Variants in ANKRD12 observed in about 807,000 individuals in gnomAD.
ANKRD12 encodes ankyrin repeat domain-containing protein 12.
In ANKRD12, 85 loss-of-function variants were observed where a neutral mutation model predicts 183.4. The ratio of observed to expected loss-of-function variants is 0.46; its 90% confidence interval spans 0.39 to 0.56. The LOEUF is 0.56. Among genes scored for constraint, ANKRD12 ranks in the 20% least tolerant of loss-of-function variants. The pLI is 0.00. For synonymous variants in ANKRD12, 914 were observed against 800.2 expected, an observed-to-expected ratio of 1.14 and a Z score of -2.40; for missense variants, 2,405 against 2,357.1, an observed-to-expected ratio of 1.02 and a Z score of -0.42.
chr18:9,211,864 T>G, intron 6 of ANKRD12, 80 bp downstream of exon 6: 2 of 1,239,234 alleles, frequency 1.6e-6, no homozygotes, highest in East Asian at 2.4e-5. Flanking sequence ...CTACATTCTT[T>G]TATTCATTTT....
chr18:9,214,558 C>T (rs2035987260), intron 6 of ANKRD12, among the ~76,000 whole-genome samples: 1 of 152,034 alleles, frequency 6.6e-6, no homozygotes, highest in South Asian at 2.1e-4. Context: ...TATTTTTCAT[C>T]GTGTTTAGTA....
intron 1 of ANKRD12, 158 bp downstream of exon 1, chr18:9,137,123 C>G (rs1053441619): frequency 2.6e-5 from 4 of 152,220 alleles, no homozygotes; most frequent in African/African-American, 4.8e-5. Flanking sequence ...GCCCGCCCCC[C>G]CCGGTCCCGA....
intron 9 of ANKRD12, among the ~76,000 whole-genome samples, chr18:9,263,107 T>C (rs950582350): frequency 5.3e-5 from 8 of 152,140 alleles, no homozygotes; most frequent in East Asian, 1.9e-4. Flanking sequence ...GTGTATCTTA[T>C]TGTAACAGTG....
chr18:9,275,496 A>AT (rs747803437), intron 10 of ANKRD12, 28 bp from the exon 11 acceptor site: 390 of 1,573,414 alleles, frequency 2.5e-4, no homozygotes, highest in Non-Finnish European at 2.9e-4. Flanking sequence ...TGAAGAATTT[A>AT]TTTTTTTTTA....
chr18:9,247,733 TTTCC>T (rs1216105795), intron 8 of ANKRD12, among the ~76,000 whole-genome samples: 2 of 152,196 alleles, frequency 1.3e-5, no homozygotes, highest in Non-Finnish European at 2.9e-5. Context: ...CCTGATAAAT[TTTCC>T]CAGAGTCTGG....
At chr18:9,248,648 A>G (rs192949772) in intron 8 of ANKRD12, among the ~76,000 whole-genome samples, 24 of 152,386 alleles carry the variant, frequency 1.6e-4, no homozygotes, top group African/African-American at 5.0e-4. Flanking sequence ...CTATATAAAC[A>G]TGGTTCCATT....
chr18:9,188,191 G>A (rs564973428), intron 2 of ANKRD12, among the ~76,000 whole-genome samples: 10 of 152,168 alleles, frequency 6.6e-5, no homozygotes, highest in Non-Finnish European at 1.2e-4. Flanking sequence ...CCTGAGCCTC[G>A]CTTCTCACAA....
rs948219730 is a variant in ANKRD12, at chr18:9,256,208, G to A, written c.2941G>A (p.Glu981Lys). 1 of 1,572,514 alleles carries A rather than the reference G, an allele frequency of 6.4e-7. No individual in the cohort carries two copies. Among genetic ancestry groups the A allele is most frequent in the Non-Finnish European group, 8.6e-7 (1 of 1,166,870 alleles). The change falls in exon 9 of 13, where the codon GAA (glutamate) becomes AAA (lysine). Residue 981 changes from glutamate to lysine, a missense_variant. By Grantham distance (56) the Glu-to-Lys change is moderately conservative. Coordinates refer to ENST00000262126, the MANE Select transcript of ANKRD12 (RefSeq NM_015208.5). ...AACTAACTCCAAACACATACAGGAAGAAAAAAAATCAAGTATAGTAGACGG... is the reference window on the plus strand; with the variant it reads ...AACTAACTCCAAACACATACAGGAAAAAAAAAAATCAAGTATAGTAGACGG... ...NITNSKHIQE[E>K]KKSSIVDGNK... is the part of the protein sequence containing the mutation.
At chr18:9,137,383 C>T (rs2078145748) in intron 1 of ANKRD12, among the ~76,000 whole-genome samples, 2 of 146,492 alleles carry the variant, frequency 1.4e-5, no homozygotes, top group African/African-American at 2.4e-5. Flanking sequence ...GCTGGGCTGC[C>T]GCCGCCTCCC....
At chr18:9,223,852 T>C (rs2036560134) in intron 8 of ANKRD12, among the ~76,000 whole-genome samples, 2 of 152,344 alleles carry the variant, frequency 1.3e-5, no homozygotes, top group Admixed American at 1.3e-4. Flanking sequence ...CCATTAGTAC[T>C]TACGTGACGA....
chr18:9,182,612 C>A, intron 2 of ANKRD12, 93 bp downstream of exon 2: 1 of 717,780 alleles, frequency 1.4e-6, no homozygotes, highest in Non-Finnish European at 2.2e-6. Flanking sequence ...AGATAAAAAC[C>A]AATATGGATG....
chr18:9,210,055 G>A (rs945597497), intron 5 of ANKRD12, among the ~76,000 whole-genome samples: 3 of 151,472 alleles, frequency 2.0e-5, no homozygotes, highest in African/African-American at 7.3e-5. Flanking sequence ...ATACTGTTCT[G>A]CAGTTGGTCT....
intron 1 of ANKRD12, among the ~76,000 whole-genome samples, chr18:9,178,585 T>C (rs890696055): frequency 2.0e-5 from 3 of 152,188 alleles, no homozygotes; most frequent in Non-Finnish European, 4.4e-5. Flanking sequence ...AATGTGAGTC[T>C]ACCAATTAAT....
chr18:9,138,252 C>T (rs187973653), intron 1 of ANKRD12, among the ~76,000 whole-genome samples: 1 of 152,368 alleles, frequency 6.6e-6, no homozygotes, highest in African/African-American at 2.4e-5. Flanking sequence ...GTGGCTCATG[C>T]CTATAATCCC....
chr18:9,262,113 T>A (rs1377331664), intron 9 of ANKRD12, among the ~76,000 whole-genome samples: 2 of 152,238 alleles, frequency 1.3e-5, no homozygotes, highest in Non-Finnish European at 2.9e-5. Context: ...TGTGGTGTTA[T>A]TTAACATGTT....
At chr18:9,247,680 C>T (rs1458884924) in intron 8 of ANKRD12, among the ~76,000 whole-genome samples, 1 of 151,920 alleles carries the variant, frequency 6.6e-6, no homozygotes, top group Admixed American at 6.6e-5. Flanking sequence ...CCTTTCTTTC[C>T]TATGTTCTTG....
intron 1 of ANKRD12, among the ~76,000 whole-genome samples, chr18:9,139,703 C>G (rs2078251793): frequency 6.6e-6 from 1 of 152,198 alleles, no homozygotes; most frequent in Admixed American, 6.5e-5. Flanking sequence ...GCTATTGACA[C>G]TGCTTTCTGA....
intron 1 of ANKRD12, among the ~76,000 whole-genome samples, chr18:9,179,839 T>C (rs1035990711): frequency 6.6e-6 from 1 of 152,186 alleles, no homozygotes; most frequent in African/African-American, 2.4e-5. Context: ...CTTTATTGTC[T>C]ACGAGCAAAC....
intron 1 of ANKRD12, among the ~76,000 whole-genome samples, chr18:9,155,907 G>A (rs1007285030): frequency 6.6e-6 from 1 of 151,900 alleles, no homozygotes; most frequent in African/African-American, 2.4e-5. Context: ...GGCTGAGGTG[G>A]GCGGATCGCT....
Sources: gnomAD v4.1 joint callset for allele counts (sites outside exome capture counted in the v4.1 genomes callset) on GRCh38, gnomAD v4.1.1 for gene constraint, MANE v1.5 for transcripts, NCBI Gene and HGNC (gene_info 2026-07-23, HGNC 2026-07-21) for gene names.